The following WNT7B variants were observed in gnomAD, a reference collection of about 807,000 sequenced individuals.
WNT7B encodes Wnt family member 7B, also known as protein Wnt-7b.
Under a neutral mutation model 38.2 loss-of-function variants are expected in WNT7B, and 19 were observed. That is an observed-to-expected ratio of 0.50 (90% CI 0.35 to 0.73). The LOEUF is 0.73. Among genes scored for constraint, WNT7B ranks in the 30% least tolerant of loss-of-function variants. WNT7B has a pLI of 0.01. For synonymous variants in WNT7B, 243 were observed against 209.3 expected (o/e 1.16, Z -1.39); for missense variants, 423 against 507.9 (o/e 0.83, Z 1.61).
chr22:45,948,736 C>G (rs1327570898), intron 2 of WNT7B, among the ~76,000 whole-genome samples: 3 of 152,012 alleles, frequency 2.0e-5, no homozygotes, highest in Admixed American at 1.3e-4. Context: ...GCTCACATCA[C>G]CAGTGGGGAA....
At chr22:45,952,411 C>T (rs576575196) in intron 1 of WNT7B, among the ~76,000 whole-genome samples, 1 of 152,132 alleles carries the variant, frequency 6.6e-6, no homozygotes, top group Non-Finnish European at 1.5e-5. Context: ...CCCATGGGCA[C>T]AATGGGCAGA....
At chr22:45,934,986 C>T (rs191597615) in intron 2 of WNT7B, among the ~76,000 whole-genome samples, 26 of 152,318 alleles carry the variant, frequency 1.7e-4, no homozygotes, top group Non-Finnish European at 2.8e-4. Flanking sequence ...CAACAGCCCA[C>T]GGGGGAGGGC....
chr22:45,963,892 A>G (rs879370118), intron 1 of WNT7B, among the ~76,000 whole-genome samples: 3 of 152,126 alleles, frequency 2.0e-5, no homozygotes, highest in South Asian at 2.1e-4. Context: ...CCTGGCTCCT[A>G]AAGATGCCAG....
chr22:45,933,343 TCCTCTTCTGGCCACTGCCTAC>T (rs1601720888), intron 2 of WNT7B, among the ~76,000 whole-genome samples: 1 of 152,140 alleles, frequency 6.6e-6, no homozygotes, highest in African/African-American at 2.4e-5. Flanking sequence ...TGCCAGCCTC[TCCTCTTCTGGCCACTGCCTAC>T]CCACGCTGCC....
intron 1 of WNT7B, among the ~76,000 whole-genome samples, chr22:45,964,485 A>G (rs1932269332): frequency 1.3e-5 from 2 of 152,118 alleles, no homozygotes; most frequent in African/African-American, 4.8e-5. Context: ...GAGATGGCGG[A>G]GTGATGAATC....
chr22:45,972,288 C>T, intron 1 of WNT7B: 1 of 563,428 alleles, frequency 1.8e-6, no homozygotes. Context: ...GGCCGGGCGC[C>T]TGGGCCAGCT....
chr22:45,930,058 C>T (rs762502892), intron 3 of WNT7B, among the ~76,000 whole-genome samples: 8 of 148,730 alleles, frequency 5.4e-5, no homozygotes, highest in Non-Finnish European at 1.2e-4. Flanking sequence ...TGTTCAAGAT[C>T]TCTTCTGTGC....
chr22:45,956,652 A>G (rs2146739696), intron 1 of WNT7B, among the ~76,000 whole-genome samples: 1 of 152,378 alleles, frequency 6.6e-6, no homozygotes, highest in East Asian at 1.9e-4. Flanking sequence ...GAAACAATCC[A>G]GGCGTCTGTC....
intron 1 of WNT7B, among the ~76,000 whole-genome samples, chr22:45,955,771 C>T (rs562918773): frequency 1.4e-4 from 21 of 152,248 alleles, no homozygotes; most frequent in East Asian, 1.2e-3. Flanking sequence ...GCAGGGAGGG[C>T]GCTTATGGGA....
intron 1 of WNT7B, among the ~76,000 whole-genome samples, chr22:45,968,547 C>T (rs1386959379): frequency 6.6e-6 from 1 of 152,228 alleles, no homozygotes; most frequent in African/African-American, 2.4e-5. Context: ...TGTTAGAAAA[C>T]GGCGCATTAT....
intron 2 of WNT7B, among the ~76,000 whole-genome samples, chr22:45,941,738 C>G (rs1931654042): frequency 1.3e-5 from 2 of 152,188 alleles, no homozygotes; most frequent in Non-Finnish European, 2.9e-5. Context: ...CCAGCCCCCA[C>G]CTCCCGGGGC....
chr22:45,947,581 C>T (rs562715111), intron 2 of WNT7B, among the ~76,000 whole-genome samples: 8 of 152,254 alleles, frequency 5.3e-5, no homozygotes, highest in South Asian at 4.1e-4. Flanking sequence ...TAGGGCAGAG[C>T]GGGGCGAGGG....
At position 45,922,873 on chromosome 22, in the gene WNT7B, C is replaced by A. The variant is rs759664958; in HGVS notation, c.1033G>T (p.Val345Phe). Residue 345 changes from valine to phenylalanine, a missense_variant, in exon 4 of 4, where the codon GTC becomes TTC. Physicochemically the swap from Val to Phe is conservative, Grantham distance 50. Coordinates refer to ENST00000339464, the MANE Select transcript of WNT7B (RefSeq NM_058238.3). ...KCNTCSERTEVFTCK is the reference protein window; with the variant it reads ...KCNTCSERTEFFTCK The stretch of plus-strand genomic sequence containing the variant: ...GCCTGGCCTCACTTGCAGGTGAAGA[C>A]CTCGGTGCGCTCGCTGCAGGTGTTG... The A allele has an allele frequency of 6.3e-7, 1 of 1,580,966 alleles. No homozygotes were observed. The highest frequency in any genetic ancestry group is 1.7e-5 in the Admixed American group (1 of 58,356).
chr22:45,956,149 C>A (rs915922728), intron 1 of WNT7B, among the ~76,000 whole-genome samples: 1 of 152,200 alleles, frequency 6.6e-6, no homozygotes, highest in African/African-American at 2.4e-5. Flanking sequence ...GCCAGCCCCA[C>A]AGCCCTGGGG....
Position 45,951,080 on chromosome 22 carries a change from T to C in WNT7B, c.72-934A>G, listed in dbSNP as rs1931921761. Among the ~76,000 whole-genome samples the C allele has an allele frequency of 6.6e-6, 1 of 152,202 alleles. No homozygotes were observed. The highest frequency in any genetic ancestry group is 6.5e-5 in the Admixed American group (1 of 15,284). On this transcript the variant is annotated intron_variant, in intron 1 of 3. Transcript: ENST00000339464. The surrounding 1 kb of genome is among the most constrained non-coding windows in gnomAD (Gnocchi z 4.8). ...GGATTGTCATTTGTTCATTTGTTTG[T>C]TTGTTTTGAGACAGAGTTTCGGAGT...
rs940033032 is a variant in WNT7B at position 45,951,894 on chromosome 22, C to T, written c.72-1748G>A. On this transcript the variant is annotated intron_variant, in intron 1 of 3. Coordinates refer to ENST00000339464, the MANE Select transcript of WNT7B (RefSeq NM_058238.3). This position sits in a 1 kb window ranked among gnomAD's most constrained non-coding sequence, Gnocchi z 4.8. ...TGTTTTCAGTCTCTGGGGCATGGAC[C>T]TATGAGTTGCTGGGTCAGGTGGTCC... 6.6e-6 allele frequency among the ~76,000 whole-genome samples: 1 copy of T among 152,184 alleles called. No homozygotes were observed. Among genetic ancestry groups the T allele is most frequent in the African/African-American group, 2.4e-5 (1 of 41,440 alleles).
In WNT7B at chr22:45,966,744, C is replaced by G. The variant is rs757379821; in HGVS notation, c.71+9940G>C. On this transcript the variant is annotated intron_variant, in intron 1 of 3. Coordinates refer to ENST00000339464, the MANE Select transcript of WNT7B (RefSeq NM_058238.3). This position sits in a 1 kb window ranked among gnomAD's most constrained non-coding sequence, Gnocchi z 4.2. ...GCACCTCAGCTGCCACCTGCTCCAG[C>G]CTGGGGATGGAGGAAGTGTCGATGG... Among the ~76,000 whole-genome samples, 1 of 152,228 alleles carries G rather than the reference C, an allele frequency of 6.6e-6. No individual in the cohort carries two copies. Among genetic ancestry groups the G allele is most frequent in the Non-Finnish European group, 1.5e-5 (1 of 68,038 alleles).
At chr22:45,926,239 A>G (rs1931079681) in intron 3 of WNT7B, 1 of 985,246 alleles carries the variant, frequency 1.0e-6, no homozygotes, top group Non-Finnish European at 1.2e-6. Flanking sequence ...GAGCAACAGC[A>G]ATGGTGGTGC....
Position 45,935,999 on chromosome 22 carries a change from G to A in WNT7B, c.299-4630C>T, listed in dbSNP as rs150798860. On this transcript the variant is annotated intron_variant, in intron 2 of 3. Transcript: ENST00000339464. ...CCACAGCCTACCCAAGCACAGGTCT[G>A]TACCCCCAGATTCTAGAGCCAGCAG... 9.0e-4 allele frequency: 886 copies of A among 985,382 alleles called. 8 individuals are homozygous for A. The African/African-American group carries it at 0.015, about 16-fold the overall frequency. The allele number at this position is 985,382 out of a possible 1,614,324, so 61.0% of individuals were successfully genotyped here. A position where few individuals can be genotyped will look rare whatever the true frequency, so the allele number is the denominator to read the frequency against.
Sources: allele counts gnomAD v4.1 joint callset (sites outside exome capture counted in the v4.1 genomes callset), GRCh38; gene constraint gnomAD v4.1.1; non-coding constraint Gnocchi (gnomAD v3.1); transcripts MANE v1.5; gene names NCBI Gene and HGNC (gene_info 2026-07-23, HGNC 2026-07-21).